Variants in ALPK2 observed in about 807,000 individuals in gnomAD.
ALPK2 encodes the protein alpha kinase 2.
A neutral mutation model predicts 163.1 loss-of-function variants in ALPK2; 127 were observed. The observed-to-expected ratio is 0.78, with a 90% CI of 0.67 to 0.90. The LOEUF (loss-of-function observed/expected upper bound fraction) is 0.90. ALPK2 is among the 40% of genes least tolerant of loss of function. The pLI is 0.00. For synonymous variants in ALPK2, 953 were observed against 959.1 expected (o/e 0.99, Z 0.12); for missense variants, 2,360 against 2,589.6 (o/e 0.91, Z 1.92).
chr18:58,611,132 G>A (rs757023635), intron 2 of ALPK2, among the ~76,000 whole-genome samples: 2 of 150,698 alleles, frequency 1.3e-5, no homozygotes, highest in Non-Finnish European at 3.0e-5. Context: ...AAAAAAATTA[G>A]CCAGGTACAG....
At chr18:58,620,481 A>C (rs1470924639) in intron 1 of ALPK2, among the ~76,000 whole-genome samples, 2 of 152,212 alleles carry the variant, frequency 1.3e-5, no homozygotes, top group Non-Finnish European at 2.9e-5. Flanking sequence ...TAAAGACAGA[A>C]AGTAGATCAG....
At chr18:58,494,662 T>C (rs1385264210) in intron 12 of ALPK2, among the ~76,000 whole-genome samples, 3 of 152,074 alleles carry the variant, frequency 2.0e-5, no homozygotes, top group Non-Finnish European at 2.9e-5. Flanking sequence ...CCCATAGAAC[T>C]TGCGACTCTC....
Position 58,536,354 on chromosome 18 carries a change from C to T in ALPK2, c.3833G>A (p.Ser1278Asn), listed in dbSNP as rs1602206446. 6.2e-7 allele frequency: 1 copy of T among 1,614,246 alleles called. No homozygotes were observed. Residue 1278 changes from serine (S) to asparagine (N), a missense_variant, in exon 5 of 13, where the codon AGT (serine) becomes AAT (asparagine). Ser to Asn is a conservative substitution (Grantham distance 46). Transcript: ENST00000361673. ...IPDKVWAVPD[S>N]LKADAVVPEL... ...AGGCACAACAGCATCTGCCTTTAGA[C>T]TATCAGGTACAGCCCAGACCTTGTC...
At position 58,557,668 on chromosome 18, in the gene ALPK2, ACGTGTG is replaced by A. The variant is rs2051800767; in HGVS notation, c.1963-19450_1963-19445del. ...TGTGTATATATATACACATATATAT[ACGTGTG>A]TGTGTGTGTGTGTGTATATATATAT... On this transcript the variant is annotated intron_variant, in intron 4 of 12. Transcript: ENST00000361673. Among the ~76,000 whole-genome samples, 12 of 37,248 alleles carry A rather than the reference ACGTGTG, an allele frequency of 3.2e-4. No individual in the cohort carries two copies. The South Asian group carries it at 4.1e-3, about 13-fold the overall frequency. The allele number at this position is 37,248 out of a possible 152,430, so 24.4% of individuals were successfully genotyped here. A position where few individuals can be genotyped will look rare whatever the true frequency, so the allele number is the denominator to read the frequency against.
At chr18:58,613,176 G>A (rs781037727) in intron 1 of ALPK2, among the ~76,000 whole-genome samples, 13 of 152,142 alleles carry the variant, frequency 8.5e-5, no homozygotes, top group African/African-American at 1.2e-4. Flanking sequence ...CGAGTTCCCC[G>A]AGGACAGTTC....
chr18:58,628,276 A>G (rs1204419490), intron 1 of ALPK2, among the ~76,000 whole-genome samples: 1 of 152,182 alleles, frequency 6.6e-6, no homozygotes, highest in Non-Finnish European at 1.5e-5. Flanking sequence ...GTGTCTACCC[A>G]GATAGGAGAG....
intron 8 of ALPK2, among the ~76,000 whole-genome samples, chr18:58,520,095 G>A (rs1256284828): frequency 6.6e-6 from 1 of 152,016 alleles, no homozygotes; most frequent in Non-Finnish European, 1.5e-5. Context: ...CACACTCCAC[G>A]CTGCCCAAAG....
rs2051600682 is a variant in ALPK2, at chr18:58,529,354, AGT to A, written c.5354-118_5354-117del. The A allele has an allele frequency of 1.1e-5, 13 of 1,151,476 alleles. No homozygotes were observed. In the South Asian group the frequency reaches 2.0e-4, roughly 18 times the overall value. The allele number at this position is 1,151,476 out of a possible 1,614,324, so 71.3% of individuals were successfully genotyped here. A position where few individuals can be genotyped will look rare whatever the true frequency, so the allele number is the denominator to read the frequency against. On this transcript the variant is annotated intron_variant, in intron 5 of 12. Coordinates refer to ENST00000361673, the MANE Select transcript of ALPK2 (RefSeq NM_052947.4). ...ATTAATTATTATCCCCAATTATGGA[AGT>A]GAGAATTGAGTCTCTGAGGGGAGAG...
At chr18:58,569,536 G>A (rs1017932608) in intron 4 of ALPK2, among the ~76,000 whole-genome samples, 2 of 152,166 alleles carry the variant, frequency 1.3e-5, no homozygotes, top group Non-Finnish European at 2.9e-5. Flanking sequence ...AGTAGGACTG[G>A]AACAGGGCTT....
At position 58,515,019 on chromosome 18, in the gene ALPK2, A is replaced by G; in HGVS notation, c.6003T>C (p.Pro2001=). The part of the protein sequence containing the change: ...YAKIYAAEAQ[P]LEGFGEVPEI... Reference sequence around the variant, plus strand: ...CAGGTACTTCTCCAAAGCCTTCCAGAGGCTGTGCTTCAGCAGCGTAGATCT... The same window carrying G: ...CAGGTACTTCTCCAAAGCCTTCCAGGGGCTGTGCTTCAGCAGCGTAGATCT... Residue 2001 remains proline (P), a synonymous_variant, in exon 10 of 13, where the codon CCT becomes CCC. Transcript: ENST00000361673. 1.2e-6 allele frequency: 2 copies of G among 1,613,010 alleles called. No individual in the cohort carries two copies. The highest frequency in any genetic ancestry group is 1.7e-6 in the Non-Finnish European group (2 of 1,179,398).
At chr18:58,601,559 G>A (rs192645612) in intron 3 of ALPK2, among the ~76,000 whole-genome samples, 10 of 152,312 alleles carry the variant, frequency 6.6e-5, no homozygotes, top group African/African-American at 2.4e-4. Context: ...AGGCCCTGCA[G>A]CTCCGTGACC....
intron 10 of ALPK2, among the ~76,000 whole-genome samples, chr18:58,510,329 G>T (rs1448706236): frequency 6.6e-6 from 1 of 152,218 alleles, no homozygotes; most frequent in Non-Finnish European, 1.5e-5. Context: ...GATGCCTCCA[G>T]CTTTGTTCTT....
chr18:58,592,497 G>C (rs748205344), intron 3 of ALPK2, among the ~76,000 whole-genome samples: 1 of 152,172 alleles, frequency 6.6e-6, no homozygotes, highest in Non-Finnish European at 1.5e-5. Flanking sequence ...AGATGCACCG[G>C]AGCTGGAATG....
At chr18:58,497,043 T>A (rs1290494508) in intron 12 of ALPK2, among the ~76,000 whole-genome samples, 1 of 152,226 alleles carries the variant, frequency 6.6e-6, no homozygotes, top group Admixed American at 6.5e-5. Flanking sequence ...CCTTCCCGAA[T>A]AAACCATAAT....
intron 4 of ALPK2, among the ~76,000 whole-genome samples, chr18:58,547,660 G>A (rs908318419): frequency 3.3e-5 from 5 of 152,214 alleles, no homozygotes; most frequent in African/African-American, 1.2e-4. Flanking sequence ...CTGCTTTGAA[G>A]AGCCAAGAAA....
chr18:58,606,875 A>C (rs2052100806), intron 3 of ALPK2, among the ~76,000 whole-genome samples: 1 of 152,240 alleles, frequency 6.6e-6, no homozygotes, highest in South Asian at 2.1e-4. Context: ...ACTACTTCCT[A>C]AAATAAAGCC....
chr18:58,507,445 G>A (rs572302257), intron 10 of ALPK2, among the ~76,000 whole-genome samples: 44 of 152,270 alleles, frequency 2.9e-4, no homozygotes, highest in Middle Eastern at 3.4e-3. Context: ...ACAACGTCAG[G>A]AAAAGTTGTG....
chr18:58,608,517 G>T (rs1260983960), intron 2 of ALPK2, among the ~76,000 whole-genome samples: 1 of 152,152 alleles, frequency 6.6e-6, no homozygotes. Flanking sequence ...GTCAAAATGT[G>T]CCATATGCAC....
chr18:58,605,418 A>C (rs911199267), intron 3 of ALPK2, among the ~76,000 whole-genome samples: 2 of 152,218 alleles, frequency 1.3e-5, no homozygotes, highest in African/African-American at 4.8e-5. Flanking sequence ...AGAGATATAG[A>C]TAGATAGATG....
Sources: allele counts gnomAD v4.1 joint callset (sites outside exome capture counted in the v4.1 genomes callset), GRCh38; gene constraint gnomAD v4.1.1; transcripts MANE v1.5; gene names NCBI Gene and HGNC (gene_info 2026-07-23, HGNC 2026-07-21).